FER1L6: variants seen among roughly 807,000 people sequenced by gnomAD.
The protein encoded by FER1L6 is fer-1-like protein 6.
A neutral mutation model predicts 219.2 loss-of-function variants in FER1L6; 177 were observed. That is an observed-to-expected ratio of 0.81 (90% CI 0.71 to 0.91). The LOEUF (loss-of-function observed/expected upper bound fraction) is 0.91. FER1L6 is among the 40% of genes least tolerant of loss of function. FER1L6 has a pLI of 0.00. For synonymous variants in FER1L6, 768 were observed against 824.3 expected (o/e 0.93, Z 1.17); for missense variants, 2,153 against 2,259.9 (o/e 0.95, Z 0.96).
intron 15 of FER1L6, chr8:124,014,209 G>A (rs1463664296): frequency 6.5e-6 from 1 of 152,674 alleles, no homozygotes; most frequent in African/African-American, 2.4e-5. Flanking sequence ...GGGAGATGGA[G>A]AATGTAGACA....
At chr8:124,055,652 C>T (rs921998608) in intron 22 of FER1L6, among the ~76,000 whole-genome samples, 4 of 152,040 alleles carry the variant, frequency 2.6e-5, no homozygotes, top group African/African-American at 9.7e-5. Flanking sequence ...GAATGTTGTC[C>T]TTCTGGAAAG....
rs947579978 is a variant in FER1L6, at chr8:124,017,835, A to G, written c.2013+117A>G. 6 of 694,004 alleles carry G rather than the reference A, an allele frequency of 8.6e-6. No individual in the cohort carries two copies. The African/African-American group carries it at 1.1e-4, about 13-fold the overall frequency. The allele number at this position is 694,004 out of a possible 1,614,324, so 43.0% of individuals were successfully genotyped here. ...TAAAGGTCATACATTTTTGGGATGC[A>G]GAGACAAGAGTGAAAAGGGACTATT... On this transcript the variant is annotated intron_variant, in intron 16 of 40. Transcript: ENST00000522917.
At chr8:124,009,073 A>G (rs1278898510) in intron 13 of FER1L6, among the ~76,000 whole-genome samples, 1 of 151,920 alleles carries the variant, frequency 6.6e-6, no homozygotes, top group African/African-American at 2.4e-5. Flanking sequence ...TAACACTTCT[A>G]CACTGCTGTT....
intron 1 of FER1L6, among the ~76,000 whole-genome samples, chr8:123,927,833 T>G (rs1312735290): frequency 6.6e-6 from 1 of 152,250 alleles, no homozygotes; most frequent in African/African-American, 2.4e-5. Context: ...TGACAAGATT[T>G]GTTCTTTATG....
At chr8:124,026,692 G>A (rs990569997) in intron 18 of FER1L6, among the ~76,000 whole-genome samples, 3 of 137,262 alleles carry the variant, frequency 2.2e-5, no homozygotes, top group African/African-American at 8.6e-5. Flanking sequence ...CTAACCTCAA[G>A]AGTTTACTAT....
chr8:123,991,895 G>GT (rs554472036), intron 12 of FER1L6, among the ~76,000 whole-genome samples: 98 of 151,112 alleles, frequency 6.5e-4, no homozygotes, highest in South Asian at 4.8e-3. Context: ...TTTTTTGAGG[G>GT]TTTTTTTTTA....
intron 2 of FER1L6, among the ~76,000 whole-genome samples, chr8:123,958,786 T>C (rs538335906): frequency 8.7e-4 from 131 of 150,730 alleles, no homozygotes; most frequent in African/African-American, 3.1e-3. Context: ...TCTGGGGAGG[T>C]AACATTTAAG....
intron 6 of FER1L6, among the ~76,000 whole-genome samples, chr8:123,973,116 T>C (rs1205072895): frequency 6.6e-6 from 1 of 152,138 alleles, no homozygotes; most frequent in Non-Finnish European, 1.5e-5. Flanking sequence ...AGGTGACTTA[T>C]GTTCTAGGTA....
chr8:124,005,715 T>C (rs1159405724), intron 13 of FER1L6, among the ~76,000 whole-genome samples: 2 of 152,180 alleles, frequency 1.3e-5, no homozygotes, highest in African/African-American at 2.4e-5. Flanking sequence ...AGTTAAGGAA[T>C]TACTATAACT....
chr8:124,066,447 G>A lies in FER1L6; in HGVS notation c.3575G>A (p.Arg1192Gln), dbSNP rs369018172. 57 of 1,613,654 alleles carry A rather than the reference G, an allele frequency of 3.5e-5. No homozygotes were observed. Among genetic ancestry groups the A allele is most frequent in the South Asian group, 2.2e-4 (20 of 91,050 alleles). The change falls in exon 27 of 41, where the codon CGG becomes CAG. Residue 1192 changes from arginine (R) to glutamine (Q), a missense_variant. Physicochemically the swap from Arg to Gln is conservative, Grantham distance 43 (BLOSUM62 1). Transcript: ENST00000522917. ...TGCCAGGATCCCAGGAAGCCTTCCCGGAGGTCCACTAAGAGGAGAAAGAGG... is the reference window on the plus strand; with the variant it reads ...TGCCAGGATCCCAGGAAGCCTTCCCAGAGGTCCACTAAGAGGAGAAAGAGG... ...GKPKDPRKPS[R>Q]RSTKRRKRTI...
rs1294663238 is a variant in FER1L6 at position 123,889,206 on chromosome 8, GT to G, written c.-8+37022del. 2.0e-5 allele frequency among the ~76,000 whole-genome samples: 3 copies of G among 152,240 alleles called. No individual in the cohort carries two copies. The East Asian group carries it at 5.8e-4, about 29-fold the overall frequency. On this transcript the variant is annotated intron_variant, in intron 1 of 40. Coordinates refer to ENST00000522917, the MANE Select transcript of FER1L6 (RefSeq NM_001039112.2). ...AACAGCTAAATCTTCTGAATTATTG[GT>G]GAGAATCCCCATGTAGTTAACTTTA... is the stretch of plus-strand genomic sequence containing the variant.
At chr8:124,006,737 A>G (rs932149061) in intron 13 of FER1L6, among the ~76,000 whole-genome samples, 1 of 152,216 alleles carries the variant, frequency 6.6e-6, no homozygotes, top group Admixed American at 6.5e-5. Context: ...CGGGACAGCC[A>G]TTTAGACTGG....
intron 11 of FER1L6, 21 bp downstream of exon 11, chr8:123,980,832 A>G (rs186787361): frequency 3.2e-6 from 5 of 1,586,018 alleles, no homozygotes; most frequent in South Asian, 1.1e-5. Context: ...GCACTGCATT[A>G]TGGTACTTTA....
Position 124,027,254 on chromosome 8 carries a change from ATAACAGAATT to A in FER1L6, c.2286+3659_2286+3668del, listed in dbSNP as rs1818748642. Among the ~76,000 whole-genome samples, 10 of 152,344 alleles carry A rather than the reference ATAACAGAATT, an allele frequency of 6.6e-5. No homozygotes were observed. In the South Asian group the frequency reaches 2.1e-3, roughly 32 times the overall value. On this transcript the variant is annotated intron_variant, in intron 18 of 40. Transcript: ENST00000522917. ...ATTTTGTGGGACCACAATTCAACCC[ATAACAGAATT>A]CCAGGGCCAATATATACTAGTTGTA...
chr8:123,957,415 G>C (rs1815071815), intron 2 of FER1L6, among the ~76,000 whole-genome samples: 3 of 152,148 alleles, frequency 2.0e-5, no homozygotes, highest in Admixed American at 6.5e-5. Context: ...GTAACACTGT[G>C]GTAGGCCCTG....
chr8:123,928,275 CT>C (rs1813641295), intron 1 of FER1L6, among the ~76,000 whole-genome samples: 1 of 152,036 alleles, frequency 6.6e-6, no homozygotes. Context: ...CTTTGTTTTT[CT>C]TTTTGGCTGC....
At chr8:123,854,950 G>T (rs996963451) in intron 1 of FER1L6, among the ~76,000 whole-genome samples, 1 of 152,130 alleles carries the variant, frequency 6.6e-6, no homozygotes, top group South Asian at 2.1e-4. Context: ...GTACAGTTCC[G>T]CAGCATTCGG....
At chr8:124,000,419 G>A (rs943674114) in intron 12 of FER1L6, among the ~76,000 whole-genome samples, 2 of 152,284 alleles carry the variant, frequency 1.3e-5, no homozygotes, top group East Asian at 1.9e-4. Flanking sequence ...TGGTCTTTCT[G>A]TGGGGGGTGA....
chr8:123,918,239 G>A (rs1273867056), intron 1 of FER1L6, among the ~76,000 whole-genome samples: 2 of 151,908 alleles, frequency 1.3e-5, no homozygotes, highest in Non-Finnish European at 2.9e-5. Context: ...AGCATGGGAG[G>A]TGGAGGTTGC....
Sources: allele counts gnomAD v4.1 joint callset (sites outside exome capture counted in the v4.1 genomes callset), GRCh38; gene constraint gnomAD v4.1.1; transcripts MANE v1.5; gene names NCBI Gene and HGNC (gene_info 2026-07-23, HGNC 2026-07-21).